SPATA16: variants seen among roughly 807,000 people sequenced by gnomAD.
The protein encoded by SPATA16 is spermatogenesis associated 16.
In SPATA16, 36 loss-of-function variants were observed where a neutral mutation model predicts 63.3. That is an observed-to-expected ratio of 0.57 (90% CI 0.44 to 0.75). The LOEUF (loss-of-function observed/expected upper bound fraction) is 0.75. Ranked by LOEUF, SPATA16 falls within the 30% of genes least tolerant of loss-of-function variation. The pLI is 0.00. For synonymous variants in SPATA16, 203 were observed against 216.7 expected (o/e 0.94, Z 0.56); for missense variants, 646 against 679.3 (o/e 0.95, Z 0.54).
At chr3:172,914,434 A>G (rs988507509) in intron 9 of SPATA16, among the ~76,000 whole-genome samples, 3 of 152,138 alleles carry the variant, frequency 2.0e-5, no homozygotes, top group African/African-American at 7.2e-5. Flanking sequence ...AAAGTTCTTA[A>G]AAAATACCAG....
chr3:173,123,835 C>A (rs919462198), intron 1 of SPATA16, among the ~76,000 whole-genome samples: 8 of 151,906 alleles, frequency 5.3e-5, no homozygotes, highest in African/African-American at 1.9e-4. Flanking sequence ...AACTCCTGAC[C>A]TCAGGTGATC....
intron 4 of SPATA16, among the ~76,000 whole-genome samples, chr3:173,004,921 A>T (rs1164974737): frequency 1.3e-5 from 2 of 152,222 alleles, no homozygotes; most frequent in African/African-American, 4.8e-5. Flanking sequence ...TCACTTGGCA[A>T]CACTTAGGTA....
chr3:172,958,469 C>T (rs1009540509), intron 5 of SPATA16, among the ~76,000 whole-genome samples: 12 of 152,174 alleles, frequency 7.9e-5, no homozygotes, highest in South Asian at 2.1e-4. Context: ...CCATCAAGCG[C>T]GTGGTTGCAC....
chr3:173,077,258 A>C (rs1227369459), intron 2 of SPATA16, among the ~76,000 whole-genome samples: 1 of 152,140 alleles, frequency 6.6e-6, no homozygotes, highest in Non-Finnish European at 1.5e-5. Flanking sequence ...TCTGATTCCA[A>C]GTATACAGTT....
At chr3:172,932,495 G>A (rs996381699) in intron 6 of SPATA16, among the ~76,000 whole-genome samples, 1 of 151,984 alleles carries the variant, frequency 6.6e-6, no homozygotes, top group Admixed American at 6.6e-5. Flanking sequence ...TCAGACTTTC[G>A]TTTCTACAGT....
At chr3:173,080,013 G>GC (rs145116947) in intron 2 of SPATA16, among the ~76,000 whole-genome samples, 2,446 of 152,238 alleles carry the variant, frequency 0.016, 60 homozygotes, top group African/African-American at 0.056. Context: ...GCATAAATAT[G>GC]CCCCCTACCA....
chr3:173,040,202 G>A (rs992299927), intron 3 of SPATA16, among the ~76,000 whole-genome samples: 2 of 152,002 alleles, frequency 1.3e-5, no homozygotes, highest in Non-Finnish European at 2.9e-5. Context: ...TCATACAAGA[G>A]AAATAAATGA....
chr3:172,987,531 A>G (rs1235114711), intron 4 of SPATA16, among the ~76,000 whole-genome samples: 1 of 152,244 alleles, frequency 6.6e-6, no homozygotes, highest in East Asian at 1.9e-4. Flanking sequence ...TGGTTCTTCA[A>G]TCTTGAACAT....
At chr3:173,128,843 C>T (rs1339594372) in intron 1 of SPATA16, among the ~76,000 whole-genome samples, 1 of 152,204 alleles carries the variant, frequency 6.6e-6, no homozygotes, top group Non-Finnish European at 1.5e-5. Flanking sequence ...TCATGATTAG[C>T]TTACTACAGA....
chr3:173,011,605 G>A (rs977586081), intron 4 of SPATA16, among the ~76,000 whole-genome samples: 4 of 151,966 alleles, frequency 2.6e-5, no homozygotes, highest in South Asian at 2.1e-4. Flanking sequence ...AGTCCTAGCC[G>A]GCAAACTTAG....
intron 6 of SPATA16, among the ~76,000 whole-genome samples, chr3:172,939,926 T>C (rs1431805986): frequency 6.6e-6 from 1 of 152,144 alleles, no homozygotes; most frequent in African/African-American, 2.4e-5. Flanking sequence ...GGAGAGATGC[T>C]GGAGACTGAG....
At chr3:173,087,614 G>A (rs988352914) in intron 2 of SPATA16, among the ~76,000 whole-genome samples, 3 of 152,078 alleles carry the variant, frequency 2.0e-5, no homozygotes, top group African/African-American at 2.4e-5. Context: ...TTGCTTCATC[G>A]TGTCATTGGT....
intron 2 of SPATA16, among the ~76,000 whole-genome samples, chr3:173,055,884 T>A (rs1237054873): frequency 3.9e-5 from 6 of 152,192 alleles, no homozygotes; most frequent in Non-Finnish European, 7.4e-5. Flanking sequence ...TGCCTATGAA[T>A]CTATAACTAT....
At chr3:173,062,116 T>C (rs1324132205) in intron 2 of SPATA16, among the ~76,000 whole-genome samples, 1 of 151,202 alleles carries the variant, frequency 6.6e-6, no homozygotes, top group Non-Finnish European at 1.5e-5. Context: ...TTCATTCCAC[T>C]GTTTTTTACC....
chr3:173,001,803 A>G (rs1397510901), intron 4 of SPATA16, among the ~76,000 whole-genome samples: 3 of 152,160 alleles, frequency 2.0e-5, no homozygotes, highest in East Asian at 3.9e-4. Context: ...AGGTTAGTCT[A>G]GATGTTGATT....
chr3:173,120,326 C>T (rs931826751), intron 1 of SPATA16, among the ~76,000 whole-genome samples: 1 of 152,124 alleles, frequency 6.6e-6, no homozygotes, highest in Non-Finnish European at 1.5e-5. Flanking sequence ...GCATCTATAT[C>T]GTTAAGTTTC....
At chr3:173,035,983 C>T (rs1308047352) in intron 3 of SPATA16, among the ~76,000 whole-genome samples, 6 of 149,728 alleles carry the variant, frequency 4.0e-5, no homozygotes, top group Non-Finnish European at 7.4e-5. Context: ...TAATAAATTT[C>T]AATCCTTGAG....
intron 8 of SPATA16, among the ~76,000 whole-genome samples, chr3:172,921,973 A>G (rs1036910295): frequency 6.6e-6 from 1 of 152,240 alleles, no homozygotes; most frequent in East Asian, 1.9e-4. Context: ...AGTGAATGTC[A>G]TTTGGTATCT....
At chr3:173,052,546 T>C (rs1736129072) in intron 2 of SPATA16, among the ~76,000 whole-genome samples, 1 of 152,200 alleles carries the variant, frequency 6.6e-6, no homozygotes, top group African/African-American at 2.4e-5. Context: ...TGAATTAAGC[T>C]TTGCAATAAG....
Sources: gnomAD v4.1 joint callset for allele counts (sites outside exome capture counted in the v4.1 genomes callset) on GRCh38, gnomAD v4.1.1 for gene constraint, MANE v1.5 for transcripts, NCBI Gene and HGNC (gene_info 2026-07-23, HGNC 2026-07-21) for gene names.